The following STAG1 variants were observed in gnomAD, a reference collection of about 807,000 sequenced individuals.
STAG1 encodes cohesin subunit SA-1.
In STAG1, 26 loss-of-function variants were observed where a neutral mutation model predicts 170.9. The ratio of observed to expected loss-of-function variants is 0.15; its 90% CI spans 0.11 to 0.21. STAG1 has a LOEUF of 0.21. STAG1 is among the 10% of genes least tolerant of loss of function. The pLI, the probability that STAG1 is intolerant of heterozygous loss-of-function variation, is 1.00. For synonymous variants in STAG1, 514 were observed against 497.7 expected, an observed-to-expected ratio of 1.03 and a Z score of -0.44; for missense variants, 964 against 1,509.5, an observed-to-expected ratio of 0.64 and a Z score of 5.99.
At chr3:136,647,440 T>C (rs1235246580) in intron 1 of STAG1, among the ~76,000 whole-genome samples, 1 of 151,870 alleles carries the variant, frequency 6.6e-6, no homozygotes, top group East Asian at 1.9e-4. Context: ...CTGGTAGCGC[T>C]AGCCTGTAAT....
chr3:136,609,034 T>C (rs1269106613), intron 3 of STAG1: 2 of 151,914 alleles, frequency 1.3e-5, no homozygotes, highest in Admixed American at 6.6e-5. Context: ...CAGTATGTAC[T>C]CTCCCCACTG....
intron 1 of STAG1, among the ~76,000 whole-genome samples, chr3:136,646,630 AAT>A (rs1262467438): frequency 3.9e-5 from 6 of 152,168 alleles, no homozygotes; most frequent in African/African-American, 1.4e-4. Flanking sequence ...AGTTAAAAAT[AAT>A]ATAGTTTCAT....
At chr3:136,485,272 A>G (rs1396304224) in intron 9 of STAG1, among the ~76,000 whole-genome samples, 1 of 152,166 alleles carries the variant, frequency 6.6e-6, no homozygotes, top group African/African-American at 2.4e-5. Context: ...CCTGGCAAAC[A>G]TGGTGAAACA....
chr3:136,672,575 C>T (rs965596662), intron 1 of STAG1, among the ~76,000 whole-genome samples: 1 of 152,098 alleles, frequency 6.6e-6, no homozygotes, highest in South Asian at 2.1e-4. Flanking sequence ...AAGTTTACCA[C>T]AATAAAAAAG....
rs150499884 is a variant in STAG1, at chr3:136,349,336, G to C, written c.3093C>G (p.Thr1031=). 6.2e-7 allele frequency: 1 copy of C among 1,613,624 alleles called. No individual in the cohort carries two copies. Among genetic ancestry groups the C allele is most frequent in the African/African-American group, 1.3e-5 (1 of 74,864 alleles). ...CCTCCCTCCTTTCCATCATCTGCTC[G>C]GTAAGGAATTTCTCTAGGTATGAAT... ...TVHSYLEKFL[T]EQMMERREDV... Residue 1031 remains threonine, a synonymous_variant, in exon 29 of 34, where the codon ACC becomes ACG. Transcript: ENST00000383202.
At chr3:136,401,492 A>G (rs2087324578) in intron 21 of STAG1, among the ~76,000 whole-genome samples, 1 of 152,190 alleles carries the variant, frequency 6.6e-6, no homozygotes, top group Non-Finnish European at 1.5e-5. Flanking sequence ...TCTACTAGTC[A>G]TTGACAGTTG....
intron 1 of STAG1, among the ~76,000 whole-genome samples, chr3:136,638,775 G>T (rs532217087): frequency 6.6e-6 from 1 of 151,978 alleles, no homozygotes; most frequent in Non-Finnish European, 1.5e-5. Flanking sequence ...GGTAGCATGC[G>T]CCCGTAATCC....
intron 3 of STAG1, among the ~76,000 whole-genome samples, chr3:136,619,981 G>GT (rs1029288206): frequency 5.3e-5 from 8 of 151,874 alleles, no homozygotes; most frequent in Non-Finnish European, 1.5e-5. Flanking sequence ...TGGGAGAACT[G>GT]TTTGAGCCCA....
At chr3:136,534,776 G>T (rs1387824341) in intron 6 of STAG1, among the ~76,000 whole-genome samples, 1 of 152,150 alleles carries the variant, frequency 6.6e-6, no homozygotes, top group African/African-American at 2.4e-5. Context: ...GGAGAAAAGA[G>T]AACTTCTATA....
intron 5 of STAG1, among the ~76,000 whole-genome samples, chr3:136,558,307 A>G (rs1290812090): frequency 6.6e-6 from 1 of 152,110 alleles, no homozygotes; most frequent in East Asian, 1.9e-4. Context: ...CAGGAGAATC[A>G]CTTCAACCTG....
At chr3:136,414,826 T>C (rs2087727044) in intron 21 of STAG1, among the ~76,000 whole-genome samples, 1 of 152,204 alleles carries the variant, frequency 6.6e-6, no homozygotes, top group African/African-American at 2.4e-5. Context: ...GAAGTGTGAC[T>C]CTTCCACTTG....
chr3:136,496,176 A>C (rs868624301), intron 9 of STAG1, among the ~76,000 whole-genome samples: 13 of 151,884 alleles, frequency 8.6e-5, no homozygotes, highest in East Asian at 1.9e-4. Context: ...AAAAACCCCC[A>C]AAAAACACAG....
chr3:136,543,541 C>T (rs541305734), intron 5 of STAG1, among the ~76,000 whole-genome samples: 49 of 152,088 alleles, frequency 3.2e-4, no homozygotes, highest in African/African-American at 1.0e-3. Context: ...TTACAACATA[C>T]GTTAGAAGCC....
rs1371202037 is a variant in STAG1, at chr3:136,568,767, C to T, written c.392G>A (p.Arg131Gln). Reference protein sequence around the residue: ...INFFIQCSGCRGTVRIEMFRN... With the variant: ...INFFIQCSGCQGTVRIEMFRN... ...TCATTTATTTCAACATTCTGTACCT[C>T]GACATCCTGAACACTGGATAAAAAA... Residue 131 changes from arginine (R) to glutamine (Q), a missense_variant and splice_region_variant, in exon 5 of 34, where the codon CGA becomes CAA. Coordinates refer to ENST00000383202, the MANE Select transcript of STAG1 (RefSeq NM_005862.3). The T allele has an allele frequency of 1.2e-6, 2 of 1,608,816 alleles. No individual in the cohort carries two copies. Among genetic ancestry groups the T allele is most frequent in the African/African-American group, 1.3e-5 (1 of 74,850 alleles).
At chr3:136,557,389 T>C (rs73228026) in intron 5 of STAG1, among the ~76,000 whole-genome samples, 6,138 of 152,256 alleles carry the variant, frequency 0.04, 153 homozygotes, top group Non-Finnish European at 0.062. Flanking sequence ...CTTTTCACAC[T>C]TAAAAAACTG....
intron 1 of STAG1, among the ~76,000 whole-genome samples, chr3:136,712,911 C>T (rs1419769047): frequency 6.6e-6 from 1 of 151,788 alleles, no homozygotes; most frequent in Non-Finnish European, 1.5e-5. Context: ...GCCAACATGG[C>T]GAAACTTCAT....
intron 26 of STAG1, among the ~76,000 whole-genome samples, chr3:136,360,528 C>T (rs1936821077): frequency 2.0e-5 from 3 of 152,200 alleles, no homozygotes; most frequent in Admixed American, 2.0e-4. Flanking sequence ...TCACACCATT[C>T]ACTGAAATAG....
chr3:136,587,243 A>C (rs973732949), intron 4 of STAG1, among the ~76,000 whole-genome samples: 2 of 152,156 alleles, frequency 1.3e-5, no homozygotes, highest in African/African-American at 4.8e-5. Flanking sequence ...CTATGAAATG[A>C]AAAAAGCAAT....
chr3:136,727,699 G>A (rs1042666198), intron 1 of STAG1, among the ~76,000 whole-genome samples: 2 of 152,158 alleles, frequency 1.3e-5, no homozygotes, highest in Admixed American at 6.5e-5. Context: ...TAGGGAAAGC[G>A]AAATATCCAT....
Sources: gnomAD v4.1 joint callset for allele counts (sites outside exome capture counted in the v4.1 genomes callset) on GRCh38, gnomAD v4.1.1 for gene constraint, MANE v1.5 for transcripts, NCBI Gene and HGNC (gene_info 2026-07-23, HGNC 2026-07-21) for gene names.